The following TNFRSF10B variants were observed in gnomAD, a reference collection of about 807,000 sequenced individuals.
TNFRSF10B encodes the protein TNF receptor superfamily member 10b, also known as tumor necrosis factor receptor superfamily member 10B.
A neutral mutation model predicts 41.4 loss-of-function variants in TNFRSF10B; 35 were observed. The ratio of observed to expected loss-of-function variants is 0.85; its 90% CI spans 0.65 to 1.12. The LOEUF is 1.12. Among genes scored for constraint, TNFRSF10B ranks in the 50% most tolerant of loss-of-function variants. TNFRSF10B has a pLI of 0.00. For synonymous variants in TNFRSF10B, 230 were observed against 215.5 expected, an observed-to-expected ratio of 1.07 and a Z score of -0.59; for missense variants, 584 against 552.7, an observed-to-expected ratio of 1.06 and a Z score of -0.57.
intron 2 of TNFRSF10B, among the ~76,000 whole-genome samples, chr8:23,035,213 C>T (rs1452095018): frequency 6.6e-6 from 1 of 151,990 alleles, no homozygotes; most frequent in African/African-American, 2.4e-5. Flanking sequence ...ATGATCTCAG[C>T]TCACTGCAAC....
At chr8:23,046,209 A>T (rs886615994) in intron 1 of TNFRSF10B, among the ~76,000 whole-genome samples, 51 of 152,338 alleles carry the variant, frequency 3.3e-4, no homozygotes, top group African/African-American at 1.1e-3. Context: ...CCACCAAAAA[A>T]CTGTTAGAAA....
chr8:23,024,629 C>T (rs1461598302), intron 7 of TNFRSF10B, among the ~76,000 whole-genome samples: 1 of 151,966 alleles, frequency 6.6e-6, no homozygotes, highest in African/African-American at 2.4e-5. Context: ...AAGAGATTCT[C>T]CTGCCTCAGC....
intron 2 of TNFRSF10B, among the ~76,000 whole-genome samples, chr8:23,042,436 G>A (rs1328926452): frequency 2.6e-5 from 4 of 152,152 alleles, no homozygotes; most frequent in African/African-American, 4.8e-5. Flanking sequence ...AGTGCGAGGC[G>A]AACACAACAG....
At chr8:23,027,003 G>GC (rs1811722354) in intron 7 of TNFRSF10B, 130 bp downstream of exon 7, 1 of 1,392,348 alleles carries the variant, frequency 7.2e-7, no homozygotes, top group African/African-American at 1.4e-5. Context: ...TCCATCCCCT[G>GC]CAGTCCCCTG....
chr8:23,052,912 A>C (rs533077551), intron 1 of TNFRSF10B, among the ~76,000 whole-genome samples: 1 of 152,328 alleles, frequency 6.6e-6, no homozygotes, highest in South Asian at 2.1e-4. Flanking sequence ...AGTTTTAAAG[A>C]AAAGAGAATT....
intron 1 of TNFRSF10B, among the ~76,000 whole-genome samples, chr8:23,059,429 G>T (rs531857765): frequency 6.6e-6 from 1 of 152,336 alleles, no homozygotes; most frequent in African/African-American, 2.4e-5. Context: ...CATAGTGGCT[G>T]CACCATTTTA....
In TNFRSF10B at chr8:23,051,170, CAA is replaced by C. The variant is rs534970848; in HGVS notation, c.145-7929_145-7928del. Among the ~76,000 whole-genome samples the C allele has an allele frequency of 6.0e-4, 91 of 151,686 alleles. No homozygotes were observed. The South Asian group carries it at 0.019, about 31-fold the overall frequency. On this transcript the variant is annotated intron_variant, in intron 1 of 8. Coordinates refer to ENST00000276431, the MANE Select transcript of TNFRSF10B (RefSeq NM_003842.5). ...ACCATGTTTCACTACTGAAGATATACAAAAGAGGTCTAATTAAATGGCTCAAA... is the reference window on the plus strand; with the variant it reads ...ACCATGTTTCACTACTGAAGATATACAAGAGGTCTAATTAAATGGCTCAAA...
intron 1 of TNFRSF10B, among the ~76,000 whole-genome samples, chr8:23,046,356 A>G (rs971269457): frequency 6.6e-6 from 1 of 152,142 alleles, no homozygotes; most frequent in Non-Finnish European, 1.5e-5. Context: ...ACAAAAAAAA[A>G]TTAGTAAATT....
intron 6 of TNFRSF10B, 23 bp from the exon 7 acceptor site, chr8:23,027,311 C>CA: frequency 6.2e-7 from 1 of 1,613,784 alleles, no homozygotes; most frequent in Non-Finnish European, 8.5e-7. Context: ...ATTGGGAAGG[C>CA]AAAAAGCCGA....
Position 23,027,325 on chromosome 8 carries a change from A to G in TNFRSF10B, c.781-37T>C, listed in dbSNP as rs762059448. 2.5e-6 allele frequency: 4 copies of G among 1,613,292 alleles called. No homozygotes were observed. In the South Asian group the frequency reaches 3.3e-5, roughly 13 times the overall value. On this transcript the variant is annotated intron_variant, in intron 6 of 8. Coordinates refer to ENST00000276431, the MANE Select transcript of TNFRSF10B (RefSeq NM_003842.5). ...CATTGGGAAGGCAAAAAGCCGACTCAGGAGTCCACACCTAGGGCTCGCTGC... is the reference window on the plus strand; with the variant it reads ...CATTGGGAAGGCAAAAAGCCGACTCGGGAGTCCACACCTAGGGCTCGCTGC...
rs59282000 is a variant in TNFRSF10B, at chr8:23,033,585, C to CAAAAAAAAA, written c.251-2722_251-2714dup. On this transcript the variant is annotated intron_variant, in intron 2 of 8. Transcript: ENST00000276431. ...CCTGGGCGACAGCGAGACTCCGTCTCAAAAAAAAAAAAAAAAAAAAAAAAA... is the reference window on the plus strand; with the variant it reads ...CCTGGGCGACAGCGAGACTCCGTCTCAAAAAAAAAAAAAAAAAAAAAAAAAAAAAAAAAA... Among the ~76,000 whole-genome samples the CAAAAAAAAA allele has an allele frequency of 1.9e-4, 12 of 62,276 alleles. 1 individual carries two copies. Among genetic ancestry groups the CAAAAAAAAA allele is most frequent in the African/African-American group, 9.2e-4 (12 of 13,086 alleles). 40.9% of individuals were successfully genotyped at this position (62,276 alleles called of 152,430 possible). A position where few individuals can be genotyped will look rare whatever the true frequency, so the allele number is the denominator to read the frequency against.
At chr8:23,051,785 C>T (rs182731652) in intron 1 of TNFRSF10B, among the ~76,000 whole-genome samples, 264 of 152,128 alleles carry the variant, frequency 1.7e-3, no homozygotes, top group Non-Finnish European at 3.2e-3. Context: ...CCTTCTGATC[C>T]GCCCACCTCG....
chr8:23,031,453 G>T (rs901248670), intron 2 of TNFRSF10B, among the ~76,000 whole-genome samples: 1 of 151,630 alleles, frequency 6.6e-6, no homozygotes, highest in Admixed American at 6.6e-5. Flanking sequence ...GAGTGCAGTG[G>T]TGTGATCTCA....
intron 1 of TNFRSF10B, among the ~76,000 whole-genome samples, chr8:23,063,912 CA>C (rs1349607697): frequency 6.6e-6 from 1 of 152,230 alleles, no homozygotes; most frequent in Non-Finnish European, 1.5e-5. Context: ...CCACACTCCC[CA>C]CCTCTCACGT....
rs1563313982 is a variant in TNFRSF10B at position 23,040,318 on chromosome 8, TATATATACAAAATATATATTTATTAA to T, written c.250+2794_250+2819del. Among the ~76,000 whole-genome samples, 4 of 58,828 alleles carry T rather than the reference TATATATACAAAATATATATTTATTAA, an allele frequency of 6.8e-5. 1 individual carries two copies. The highest frequency in any genetic ancestry group is 9.1e-5 in the Non-Finnish European group (2 of 22,078). The allele number at this position is 58,828 out of a possible 152,430, so 38.6% of individuals were successfully genotyped here. Reference sequence around the variant, plus strand: ...ATATATATAATATATATTTAATAAATATATATACAAAATATATATTTATTAAATATATACAAAATATATATTTAATA... The same window carrying T: ...ATATATATAATATATATTTAATAAATATATATACAAAATATATATTTAATA... On this transcript the variant is annotated intron_variant, in intron 2 of 8. Transcript: ENST00000276431.
intron 2 of TNFRSF10B, among the ~76,000 whole-genome samples, chr8:23,032,661 A>G (rs1018386499): frequency 6.6e-6 from 1 of 152,138 alleles, no homozygotes; most frequent in Non-Finnish European, 1.5e-5. Context: ...CTTCCTGTTT[A>G]TTTTGCTTTT....
At chr8:23,054,781 T>C (rs1812613801) in intron 1 of TNFRSF10B, among the ~76,000 whole-genome samples, 1 of 152,228 alleles carries the variant, frequency 6.6e-6, no homozygotes, top group Non-Finnish European at 1.5e-5. Flanking sequence ...TTTGATGGTA[T>C]AAATCCATGG....
chr8:23,041,054 T>C (rs1008864773), intron 2 of TNFRSF10B, among the ~76,000 whole-genome samples: 14 of 52,742 alleles, frequency 2.7e-4, no homozygotes, highest in South Asian at 1.7e-3. Context: ...ATGATAATTT[T>C]TTTTTTGTTG....
intron 2 of TNFRSF10B, among the ~76,000 whole-genome samples, chr8:23,040,207 A>T (rs929469525): frequency 3.4e-5 from 5 of 146,450 alleles, no homozygotes; most frequent in Non-Finnish European, 6.0e-5. Flanking sequence ...CTATATATAT[A>T]TTTAAGATAT....
Sources: allele counts gnomAD v4.1 joint callset (sites outside exome capture counted in the v4.1 genomes callset), GRCh38; gene constraint gnomAD v4.1.1; transcripts MANE v1.5; gene names NCBI Gene and HGNC (gene_info 2026-07-23, HGNC 2026-07-21).